The following KCNN2 variants were observed in gnomAD, a reference collection of about 807,000 sequenced individuals.
The protein encoded by KCNN2 is small conductance calcium-activated potassium channel protein 2.
Under a neutral mutation model 55.5 loss-of-function variants are expected in KCNN2, and 24 were observed. The ratio of observed to expected loss-of-function variants is 0.43; its 90% CI spans 0.31 to 0.61. The LOEUF (loss-of-function observed/expected upper bound fraction) is 0.61, where lower values mean the gene tolerates loss of function less well. KCNN2 is among the 20% of genes least tolerant of loss of function. The probability of loss-of-function intolerance (pLI) is 0.08; values close to 1 mark genes in which losing one functional copy is unlikely to be tolerated. For synonymous variants in KCNN2, 431 were observed against 336.1 expected, an observed-to-expected ratio of 1.28 and a Z score of -3.09; for missense variants, 754 against 853.6, an observed-to-expected ratio of 0.88 and a Z score of 1.45.
chr5:114,186,874 A>C (rs9326912), intron 1 of KCNN2, among the ~76,000 whole-genome samples: 77,793 of 151,924 alleles, frequency 0.51, 21,455 homozygotes, highest in Non-Finnish European at 0.62. Flanking sequence ...GAAAGAAGAT[A>C]AAGCTACCCA....
intron 2 of KCNN2, among the ~76,000 whole-genome samples, chr5:114,374,057 A>G (rs1008519949): frequency 2.6e-5 from 4 of 152,142 alleles, no homozygotes; most frequent in Non-Finnish European, 5.9e-5. Flanking sequence ...TTGGATCTGT[A>G]GTGATTGTTC....
intron 1 of KCNN2, among the ~76,000 whole-genome samples, chr5:114,207,097 C>G (rs1162318043): frequency 6.6e-6 from 1 of 152,142 alleles, no homozygotes; most frequent in Non-Finnish European, 1.5e-5. Context: ...ATCTCTGAAG[C>G]TGTTATCGAT....
At chr5:114,452,061 T>C (rs926546561) in intron 3 of KCNN2, among the ~76,000 whole-genome samples, 1 of 152,180 alleles carries the variant, frequency 6.6e-6, no homozygotes, top group Non-Finnish European at 1.5e-5. Flanking sequence ...GCCATGTTTA[T>C]GTTTTCATAA....
At chr5:114,290,010 T>G (rs2150017046) in intron 2 of KCNN2, among the ~76,000 whole-genome samples, 1 of 152,342 alleles carries the variant, frequency 6.6e-6, no homozygotes, top group African/African-American at 2.4e-5. Context: ...GTTTTGCTCT[T>G]GTACCCTGCA....
chr5:114,445,644 A>G (rs1760376731), intron 3 of KCNN2, among the ~76,000 whole-genome samples: 1 of 152,236 alleles, frequency 6.6e-6, no homozygotes, highest in Non-Finnish European at 1.5e-5. Context: ...TCATCTCTAT[A>G]TGTATTCCAT....
At chr5:114,073,722 T>G (rs1385644449) in intron 1 of KCNN2, among the ~76,000 whole-genome samples, 1 of 152,244 alleles carries the variant, frequency 6.6e-6, no homozygotes, top group Non-Finnish European at 1.5e-5. Context: ...AGTTCATTGT[T>G]GTGTTCCCAT....
At chr5:114,355,232 A>G (rs745611562) in intron 2 of KCNN2, among the ~76,000 whole-genome samples, 2 of 152,218 alleles carry the variant, frequency 1.3e-5, no homozygotes, top group African/African-American at 2.4e-5. Context: ...GAGGTAGATA[A>G]GAATAAGGCA....
chr5:114,184,619 A>AT (rs1666099908), intron 1 of KCNN2, among the ~76,000 whole-genome samples: 1 of 152,180 alleles, frequency 6.6e-6, no homozygotes, highest in Non-Finnish European at 1.5e-5. Context: ...ATATTTAAAA[A>AT]TATATGCTGA....
intron 3 of KCNN2, among the ~76,000 whole-genome samples, chr5:114,409,273 A>T (rs572410289): frequency 6.6e-6 from 1 of 152,342 alleles, no homozygotes; most frequent in East Asian, 1.9e-4. Flanking sequence ...TTTGGTTTTT[A>T]TTAAACTTCC....
At chr5:114,470,214 T>C (rs1014891335) in intron 4 of KCNN2, among the ~76,000 whole-genome samples, 4 of 152,188 alleles carry the variant, frequency 2.6e-5, no homozygotes, top group South Asian at 2.1e-4. Flanking sequence ...AGGATTTTGA[T>C]TTCTTTCCAG....
Position 114,096,915 on chromosome 5 carries a change from A to C in KCNN2, c.-271+40415A>C, listed in dbSNP as rs577576198. 1.1e-4 allele frequency among the ~76,000 whole-genome samples: 16 copies of C among 152,188 alleles called. No individual in the cohort carries two copies. In the South Asian group the frequency reaches 2.7e-3, roughly 26 times the overall value. The stretch of plus-strand genomic sequence containing the variant: ...CCATATCCCACTTAATCTTTCCATT[A>C]CTCCAGTGGAGCAAGTTCTGCTATT... On this transcript the variant is annotated intron_variant, in intron 1 of 10. Coordinates refer to the KCNN2 transcript ENST00000512097.
chr5:114,397,486 A>G (rs1758654898), intron 2 of KCNN2, among the ~76,000 whole-genome samples: 1 of 152,124 alleles, frequency 6.6e-6, no homozygotes, highest in Non-Finnish European at 1.5e-5. Flanking sequence ...TCCTGGGTTC[A>G]AGTGATTCTT....
intron 2 of KCNN2, among the ~76,000 whole-genome samples, chr5:114,310,793 C>T (rs992702266): frequency 6.6e-6 from 1 of 152,074 alleles, no homozygotes; most frequent in African/African-American, 2.4e-5. Context: ...CAAAGTGGGC[C>T]ATATGAAATG....
At chr5:114,422,105 G>A (rs1222536675) in intron 3 of KCNN2, among the ~76,000 whole-genome samples, 1 of 152,162 alleles carries the variant, frequency 6.6e-6, no homozygotes, top group Non-Finnish European at 1.5e-5. Flanking sequence ...TCAGTGCTAG[G>A]CACAAAGAGA....
rs1208208273 is a variant in KCNN2 at position 114,363,038 on chromosome 5, G to A, written c.899G>A (p.Gly300Asp). 1 of 1,605,898 alleles carries A rather than the reference G, an allele frequency of 6.2e-7. No homozygotes were observed. Residue 300 changes from glycine to aspartate, a missense_variant, in exon 1 of 8, where the codon GGC becomes GAC. Transcript: ENST00000673685. ...GCGCTCTATGGAACCGGCGGCGGAG[G>A]CAGCACTGGAGGAGGCGGCGGCGGT... Reference protein sequence around the residue: ...NLALYGTGGGGSTGGGGGGGG... With the variant: ...NLALYGTGGGDSTGGGGGGGG...
intron 2 of KCNN2, among the ~76,000 whole-genome samples, chr5:114,264,775 C>A (rs376929451): frequency 6.6e-6 from 1 of 152,144 alleles, no homozygotes; most frequent in Non-Finnish European, 1.5e-5. Context: ...GAATGCCCCC[C>A]CAGGGCAGCA....
chr5:114,245,592 A>G (rs1754734240), intron 2 of KCNN2, among the ~76,000 whole-genome samples: 1 of 152,180 alleles, frequency 6.6e-6, no homozygotes, highest in Non-Finnish European at 1.5e-5. Flanking sequence ...TAGTGGATGA[A>G]TTGCTTGCCT....
chr5:114,188,261 C>T (rs76077488), intron 1 of KCNN2, among the ~76,000 whole-genome samples: 1 of 152,138 alleles, frequency 6.6e-6, no homozygotes, highest in Non-Finnish European at 1.5e-5. Flanking sequence ...CTATTTGGGC[C>T]TCTTGAGGAG....
At chr5:114,269,050 C>A (rs754172186) in intron 2 of KCNN2, among the ~76,000 whole-genome samples, 3 of 151,878 alleles carry the variant, frequency 2.0e-5, no homozygotes, top group Non-Finnish European at 4.4e-5. Flanking sequence ...TGAAAAAGTC[C>A]TTCTCCAAGC....
Sources: allele counts gnomAD v4.1 joint callset (sites outside exome capture counted in the v4.1 genomes callset), GRCh38; gene constraint gnomAD v4.1.1; transcripts MANE v1.5; gene names NCBI Gene and HGNC (gene_info 2026-07-23, HGNC 2026-07-21).